Variants in PTBP2 observed in about 807,000 individuals in gnomAD.
PTBP2 encodes the protein polypyrimidine tract-binding protein 2.
Under a neutral mutation model 61.4 loss-of-function variants are expected in PTBP2, and 13 were observed. The observed-to-expected ratio is 0.21, with a 90% confidence interval of 0.14 to 0.34. The LOEUF (loss-of-function observed/expected upper bound fraction) is 0.34, where lower values mean the gene tolerates loss of function less well. Ranked by LOEUF, PTBP2 falls within the 10% of genes least tolerant of loss-of-function variation. The pLI, the probability that PTBP2 is intolerant of heterozygous loss-of-function variation, is 1.00. For missense variants in PTBP2, 405 were observed against 642.6 expected (o/e 0.63, Z 4.00); for synonymous variants, 215 against 218.5 (o/e 0.98, Z 0.14).
rs1655966783 is a variant in PTBP2, at chr1:96,762,146, G to A, written c.116-7557G>A. Among the ~76,000 whole-genome samples, 3 of 150,914 alleles carry A rather than the reference G, an allele frequency of 2.0e-5. No individual in the cohort carries two copies. The South Asian group carries it at 6.3e-4, about 32-fold the overall frequency. On this transcript the variant is annotated intron_variant, in intron 3 of 13. Transcript: ENST00000674951. ...GTCTACCTCTTTCTACACAGACACG[G>A]CAACCATCCGATTTCTCAATCTTTT...
chr1:96,729,860 C>G (rs1238635557), intron 2 of PTBP2, among the ~76,000 whole-genome samples: 1 of 151,770 alleles, frequency 6.6e-6, no homozygotes, highest in African/African-American at 2.4e-5. Flanking sequence ...CCTCAGCATC[C>G]CAAGTAGCTG....
chr1:96,773,049 G>A (rs949596935), intron 5 of PTBP2, among the ~76,000 whole-genome samples: 2 of 150,650 alleles, frequency 1.3e-5, no homozygotes, highest in African/African-American at 4.9e-5. Context: ...GCTTGAACCC[G>A]GGGGGGTGGA....
intron 1 of PTBP2, 28 bp downstream of exon 1, chr1:96,721,900 T>C (rs1479905353): frequency 1.3e-6 from 2 of 1,571,142 alleles, no homozygotes; most frequent in Admixed American, 3.8e-5. Flanking sequence ...CGAGAAGGTG[T>C]GTGTGAGAGA....
intron 1 of PTBP2, 87 bp from the exon 2 acceptor site, chr1:96,723,477 A>T: frequency 9.1e-7 from 1 of 1,096,178 alleles, no homozygotes; most frequent in Non-Finnish European, 1.3e-6. Flanking sequence ...TTTATGAATG[A>T]TGGACTATCC....
chr1:96,819,027 T>G (rs1020573352), downstream of PTBP2: 2 of 152,020 alleles, frequency 1.3e-5, no homozygotes, highest in Non-Finnish European at 2.9e-5. Flanking sequence ...ATCAGTATGA[T>G]TAGTGTTAAA....
At chr1:96,798,724 T>C (rs567681143) in intron 8 of PTBP2, among the ~76,000 whole-genome samples, 1 of 152,318 alleles carries the variant, frequency 6.6e-6, no homozygotes, top group Non-Finnish European at 1.5e-5. Flanking sequence ...AATGGACTTT[T>C]GTTGATTTAT....
At chr1:96,764,805 T>G (rs899597445) in intron 3 of PTBP2, among the ~76,000 whole-genome samples, 1 of 152,178 alleles carries the variant, frequency 6.6e-6, no homozygotes, top group Non-Finnish European at 1.5e-5. Context: ...TTTATGAGGG[T>G]TTTAACAACT....
At chr1:96,807,343 A>G (rs1661593351) in intron 11 of PTBP2, among the ~76,000 whole-genome samples, 1 of 152,186 alleles carries the variant, frequency 6.6e-6, no homozygotes, top group Non-Finnish European at 1.5e-5. Context: ...ATTCTTCTAA[A>G]GTCTTGCGAT....
At chr1:96,817,129 G>T (rs1662517481), downstream of PTBP2, 1 of 151,940 alleles carries the variant, frequency 6.6e-6, no homozygotes, top group South Asian at 2.1e-4. Context: ...ATTATAGACT[G>T]CACTTAAGAT....
chr1:96,750,536 G>A (rs747582226), intron 2 of PTBP2, among the ~76,000 whole-genome samples: 14 of 152,040 alleles, frequency 9.2e-5, no homozygotes, highest in African/African-American at 1.9e-4. Context: ...ACAAATTAGC[G>A]TAAAGCTTAT....
chr1:96,765,969 T>G (rs144729801), intron 3 of PTBP2, among the ~76,000 whole-genome samples: 101 of 152,292 alleles, frequency 6.6e-4, no homozygotes, highest in African/African-American at 2.3e-3. Context: ...TCACAGTTCC[T>G]TGTTGACTGA....
At chr1:96,754,223 CTGAA>C (rs1241263291) in intron 3 of PTBP2, among the ~76,000 whole-genome samples, 2 of 152,096 alleles carry the variant, frequency 1.3e-5, no homozygotes, top group African/African-American at 4.8e-5. Context: ...TTTCTTTAGA[CTGAA>C]TGGCATAACT....
At chr1:96,804,742 G>A (rs909608428) in intron 8 of PTBP2, 58 bp from the exon 9 acceptor site, 4 of 1,514,698 alleles carry the variant, frequency 2.6e-6, no homozygotes, top group Admixed American at 2.0e-5. Flanking sequence ...TTTTGTAAAC[G>A]ACTTGTGTGT....
At chr1:96,755,859 C>A (rs1386442064) in intron 3 of PTBP2, among the ~76,000 whole-genome samples, 1 of 152,052 alleles carries the variant, frequency 6.6e-6, no homozygotes, top group African/African-American at 2.4e-5. Flanking sequence ...GGCAAAGGGA[C>A]ACAGGAAAAC....
intron 8 of PTBP2, among the ~76,000 whole-genome samples, chr1:96,791,027 A>C (rs1188019501): frequency 2.1e-5 from 3 of 145,224 alleles, no homozygotes; most frequent in Admixed American, 6.8e-5. Flanking sequence ...AAAAAAAAAA[A>C]CCATCCAGGT....
At chr1:96,724,512 G>C (rs1005914506) in intron 2 of PTBP2, among the ~76,000 whole-genome samples, 2 of 152,012 alleles carry the variant, frequency 1.3e-5, no homozygotes, top group Admixed American at 1.3e-4. Context: ...TGATCTGCCT[G>C]CCTTGACCTC....
intron 3 of PTBP2, among the ~76,000 whole-genome samples, chr1:96,767,602 C>T (rs1656879502): frequency 6.6e-6 from 1 of 152,146 alleles, no homozygotes; most frequent in Non-Finnish European, 1.5e-5. Context: ...AGTCCTGTAT[C>T]AGAATAATAT....
At chr1:96,727,235 T>A (rs1316105131) in intron 2 of PTBP2, among the ~76,000 whole-genome samples, 1 of 152,226 alleles carries the variant, frequency 6.6e-6, no homozygotes, top group Non-Finnish European at 1.5e-5. Context: ...AATAGTCCAT[T>A]CTGTTTTATT....
chr1:96,765,114 A>G (rs558238979), intron 3 of PTBP2, among the ~76,000 whole-genome samples: 1 of 150,392 alleles, frequency 6.6e-6, no homozygotes, highest in Non-Finnish European at 1.5e-5. Flanking sequence ...TTTTTTTCTT[A>G]GCTTAGAGTC....
Sources: gnomAD v4.1 joint callset for allele counts (sites outside exome capture counted in the v4.1 genomes callset) on GRCh38, gnomAD v4.1.1 for gene constraint, MANE v1.5 for transcripts, NCBI Gene and HGNC (gene_info 2026-07-23, HGNC 2026-07-21) for gene names.